IL31RA: variants seen among roughly 807,000 people sequenced by gnomAD.
The protein encoded by IL31RA is interleukin-31 receptor subunit alpha.
A neutral mutation model predicts 83.7 loss-of-function variants in IL31RA; 66 were observed. The observed-to-expected ratio is 0.79, with a 90% confidence interval of 0.65 to 0.97. IL31RA has a LOEUF of 0.97. Ranked by LOEUF, IL31RA falls within the 50% of genes least tolerant of loss-of-function variation. The pLI, the probability that IL31RA is intolerant of heterozygous loss-of-function variation, is 0.00. For missense variants in IL31RA, 798 were observed against 919.4 expected (o/e 0.87, Z 1.71); for synonymous variants, 325 against 329.0 (o/e 0.99, Z 0.13).
Position 55,908,263 on chromosome 5 carries a change from A to G in IL31RA, c.1355-2A>G. Reference sequence around the variant, plus strand: ...TATCATTTATCCCTCTGTCCTTTCCAGTTCCATCAGAAGGTCCTGAGACCA... The same window carrying G: ...TATCATTTATCCCTCTGTCCTTTCCGGTTCCATCAGAAGGTCCTGAGACCA... On this transcript the variant is annotated splice_acceptor_variant, in intron 10 of 14. Transcript: ENST00000652347. LOFTEE classifies it high-confidence loss of function. The G allele has an allele frequency of 2.5e-6, 4 of 1,614,108 alleles. No individual in the cohort carries two copies. Among genetic ancestry groups the G allele is most frequent in the Non-Finnish European group, 3.4e-6 (4 of 1,180,036 alleles).
At chr5:55,908,981 C>A in intron 11 of IL31RA, 1 of 773,412 alleles carries the variant, frequency 1.3e-6, no homozygotes, top group Non-Finnish European at 1.6e-6. Flanking sequence ...ACCATCACCA[C>A]TATTTCCAGA....
intron 7 of IL31RA, among the ~76,000 whole-genome samples, chr5:55,898,283 C>CCGT (rs950534067): frequency 3.9e-5 from 6 of 152,064 alleles, no homozygotes; most frequent in Non-Finnish European, 7.3e-5. Context: ...CGCCTCCTCC[C>CCGT]CGTCGCCTGT....
At chr5:55,844,123 G>A in the IL31RA span, among the ~76,000 whole-genome samples, 1 of 151,970 alleles carries the variant, frequency 6.6e-6, no homozygotes, top group Non-Finnish European at 1.5e-5. Context: ...TCCTATAAAG[G>A]CACAAAAGAA....
intron 8 of IL31RA, among the ~76,000 whole-genome samples, chr5:55,902,008 A>T (rs1148036): frequency 0.31 from 47,790 of 152,048 alleles, 7,766 homozygotes; most frequent in African/African-American, 0.38. Flanking sequence ...CTTTAAAGTT[A>T]TGCTAAATTC....
In IL31RA at chr5:55,852,463, C is replaced by T. The variant is rs193133910; in HGVS notation, c.63+830C>T. 3.8e-3 allele frequency among the ~76,000 whole-genome samples: 578 copies of T among 152,230 alleles called. 4 individuals carry two copies. Among genetic ancestry groups the T allele is most frequent in the African/African-American group, 0.013 (550 of 41,538 alleles). ...CTGGGATTACAGGCGTGAGCCACCA[C>T]GCCTGGCTGGAATTTTAAATATCTC... On this transcript the variant is annotated intron_variant, in intron 1 of 14. Coordinates refer to ENST00000652347, the MANE Select transcript of IL31RA (RefSeq NM_139017.7).
chr5:55,901,823 C>G (rs1449689395), intron 8 of IL31RA, among the ~76,000 whole-genome samples: 1 of 151,978 alleles, frequency 6.6e-6, no homozygotes, highest in East Asian at 1.9e-4. Flanking sequence ...CCATGTTGGT[C>G]AGGCTGGTCT....
intron 8 of IL31RA, among the ~76,000 whole-genome samples, chr5:55,902,638 AAAAC>A (rs1402468026): frequency 1.3e-5 from 2 of 152,170 alleles, no homozygotes; most frequent in African/African-American, 4.8e-5. Context: ...CCCTGTCTCA[AAAAC>A]AAACAAAAGA....
chr5:55,857,519 G>A (rs148453885), intron 1 of IL31RA, among the ~76,000 whole-genome samples: 74 of 152,326 alleles, frequency 4.9e-4, no homozygotes, highest in Middle Eastern at 3.4e-3. Flanking sequence ...GGCAAGGCTT[G>A]TTGACTTCCC....
the IL31RA span, among the ~76,000 whole-genome samples, chr5:55,840,422 G>A: frequency 1.3e-5 from 2 of 152,196 alleles, no homozygotes; most frequent in Non-Finnish European, 2.9e-5. Context: ...CTAAGATGAG[G>A]TTAGTAACGT....
At chr5:55,892,602 C>T (rs1748069947) in intron 6 of IL31RA, among the ~76,000 whole-genome samples, 1 of 152,168 alleles carries the variant, frequency 6.6e-6, no homozygotes, top group South Asian at 2.1e-4. Context: ...CTTCCTTTGC[C>T]TCACTTTTCA....
chr5:55,858,201 T>C (rs556071928), intron 1 of IL31RA, among the ~76,000 whole-genome samples: 7 of 152,330 alleles, frequency 4.6e-5, no homozygotes, highest in African/African-American at 1.7e-4. Context: ...AATTTTAGTT[T>C]TAGCATCTAT....
chr5:55,843,441 A>G, the IL31RA span, among the ~76,000 whole-genome samples: 12 of 152,184 alleles, frequency 7.9e-5, no homozygotes, highest in South Asian at 2.1e-4. Context: ...ACATATTGCC[A>G]GTGAGTTCCT....
chr5:55,911,240 A>C (rs1249891925), intron 12 of IL31RA, among the ~76,000 whole-genome samples: 1 of 152,140 alleles, frequency 6.6e-6, no homozygotes, highest in African/African-American at 2.4e-5. Flanking sequence ...TCCCCCTATA[A>C]AACCATCAGA....
chr5:55,900,343 T>A (rs1328074876), intron 8 of IL31RA, among the ~76,000 whole-genome samples: 2 of 152,216 alleles, frequency 1.3e-5, no homozygotes, highest in Non-Finnish European at 2.9e-5. Context: ...GCGTTAAAAA[T>A]CAGAGACTTT....
Position 55,922,512 on chromosome 5 carries a change from A to G in IL31RA, c.*5392A>G, listed in dbSNP as rs975030655. 1 of 1,235,810 alleles carries G rather than the reference A, an allele frequency of 8.1e-7. No individual in the cohort carries two copies. Among genetic ancestry groups the G allele is most frequent in the African/African-American group, 1.5e-5 (1 of 66,574 alleles). 76.6% of individuals were successfully genotyped at this position (1,235,810 alleles called of 1,614,324 possible). ...CATGCAGAGTTTTCCAACTAGGAAGACTGAATCTGTGGCCCCAAGAGAACC... is the reference window on the plus strand; with the variant it reads ...CATGCAGAGTTTTCCAACTAGGAAGGCTGAATCTGTGGCCCCAAGAGAACC... On this transcript the variant is annotated 3_prime_UTR_variant, in exon 15 of 15. Transcript: ENST00000652347.
At position 55,851,382 on chromosome 5, in the gene IL31RA, C is replaced by G. The variant is rs1218072534; in HGVS notation, c.-189C>G. 1.1e-6 allele frequency: 1 copy of G among 929,834 alleles called. No homozygotes were observed. Among genetic ancestry groups the G allele is most frequent in the African/African-American group, 1.6e-5 (1 of 60,620 alleles). 57.6% of individuals were successfully genotyped at this position (929,834 alleles called of 1,614,324 possible). A position where few individuals can be genotyped will look rare whatever the true frequency, so the allele number is the denominator to read the frequency against. Reference sequence around the variant, plus strand: ...ACAGCCTCCTTCTGCTTAGGAACACCAGACAGCACTCCAGCACTCTGCTTG... The same window carrying G: ...ACAGCCTCCTTCTGCTTAGGAACACGAGACAGCACTCCAGCACTCTGCTTG... On this transcript the variant is annotated 5_prime_UTR_variant, in exon 1 of 15. Transcript: ENST00000652347.
chr5:55,913,344 G>T, intron 12 of IL31RA, 133 bp from the exon 13 acceptor site: 3 of 709,204 alleles, frequency 4.2e-6, no homozygotes, highest in Non-Finnish European at 7.5e-6. Context: ...TTAGTGGAAA[G>T]AAATTGAATT....
intron 5 of IL31RA, among the ~76,000 whole-genome samples, chr5:55,887,241 G>A (rs1168648971): frequency 6.6e-6 from 1 of 152,178 alleles, no homozygotes; most frequent in Non-Finnish European, 1.5e-5. Context: ...TCAAGATGTT[G>A]AAAGCTTAAA....
At chr5:55,897,484 C>T (rs1435718201) in intron 7 of IL31RA, among the ~76,000 whole-genome samples, 2 of 152,204 alleles carry the variant, frequency 1.3e-5, no homozygotes, top group African/African-American at 4.8e-5. Context: ...CCCCTCCCCA[C>T]CCAGCTGTCT....
Sources: gnomAD v4.1 joint callset for allele counts (sites outside exome capture counted in the v4.1 genomes callset) on GRCh38, gnomAD v4.1.1 for gene constraint, MANE v1.5 for transcripts, NCBI Gene and HGNC (gene_info 2026-07-23, HGNC 2026-07-21) for gene names.